FER1L6: variants seen among roughly 807,000 people sequenced by gnomAD.
The protein encoded by FER1L6 is fer-1-like protein 6.
In FER1L6, 177 loss-of-function variants were observed where a neutral mutation model predicts 219.2. That is an observed-to-expected ratio of 0.81 (90% confidence interval 0.71 to 0.91). The LOEUF is 0.91. Ranked by LOEUF, FER1L6 falls within the 40% of genes least tolerant of loss-of-function variation. The pLI is 0.00. For missense variants in FER1L6, 2,153 were observed against 2,259.9 expected (o/e 0.95, Z 0.96); for synonymous variants, 768 against 824.3 (o/e 0.93, Z 1.17).
intron 1 of FER1L6, among the ~76,000 whole-genome samples, chr8:123,865,101 T>TA (rs1362234187): frequency 6.7e-6 from 1 of 150,156 alleles, no homozygotes; most frequent in African/African-American, 2.5e-5. Context: ...TTTTTCCCCA[T>TA]CTTTGTGGTT....
At chr8:123,868,702 G>T (rs1200956431) in intron 1 of FER1L6, among the ~76,000 whole-genome samples, 3 of 152,100 alleles carry the variant, frequency 2.0e-5, no homozygotes, top group Non-Finnish European at 4.4e-5. Flanking sequence ...GACTTGAACT[G>T]ATATTCATCT....
intron 6 of FER1L6, among the ~76,000 whole-genome samples, chr8:123,972,883 A>G (rs906967761): frequency 1.3e-5 from 2 of 152,154 alleles, no homozygotes; most frequent in Non-Finnish European, 1.5e-5. Flanking sequence ...CCTCATCTTG[A>G]GAGCATTAGC....
intron 1 of FER1L6, among the ~76,000 whole-genome samples, chr8:123,870,873 A>G (rs933238960): frequency 2.6e-5 from 4 of 152,238 alleles, no homozygotes; most frequent in Non-Finnish European, 5.9e-5. Flanking sequence ...ATCTACCTGT[A>G]TTAAAAATGT....
chr8:123,950,176 T>C (rs1814693586), intron 1 of FER1L6, among the ~76,000 whole-genome samples: 1 of 152,234 alleles, frequency 6.6e-6, no homozygotes, highest in East Asian at 1.9e-4. Flanking sequence ...TACTGCATTG[T>C]TGACTTGACT....
intron 12 of FER1L6, among the ~76,000 whole-genome samples, chr8:124,001,971 A>G (rs1195140257): frequency 6.6e-6 from 1 of 152,196 alleles, no homozygotes; most frequent in African/African-American, 2.4e-5. Context: ...GCATGCTCTC[A>G]GGAGAAGTGG....
At chr8:123,912,601 C>A (rs1401742364) in intron 1 of FER1L6, among the ~76,000 whole-genome samples, 1 of 152,048 alleles carries the variant, frequency 6.6e-6, no homozygotes. Flanking sequence ...AATTTTTCAA[C>A]ATGGCTATGC....
intron 1 of FER1L6, among the ~76,000 whole-genome samples, chr8:123,940,172 T>C (rs1300678289): frequency 6.6e-6 from 1 of 152,140 alleles, no homozygotes; most frequent in Admixed American, 6.5e-5. Flanking sequence ...ACTAAGGCTG[T>C]AGGTGGGATA....
intron 1 of FER1L6, among the ~76,000 whole-genome samples, chr8:123,950,661 G>C (rs140165551): frequency 2.0e-5 from 3 of 152,300 alleles, no homozygotes; most frequent in African/African-American, 7.2e-5. Context: ...TGTTTGTTGA[G>C]TTGTGATATT....
chr8:124,090,897 A>G (rs956191214), intron 33 of FER1L6, among the ~76,000 whole-genome samples: 1 of 152,174 alleles, frequency 6.6e-6, no homozygotes, highest in Non-Finnish European at 1.5e-5. Flanking sequence ...ACTTGGAATA[A>G]GCAGCAGCCG....
intron 39 of FER1L6, among the ~76,000 whole-genome samples, chr8:124,114,086 C>T (rs1182206760): frequency 1.3e-5 from 2 of 152,108 alleles, no homozygotes; most frequent in Non-Finnish European, 2.9e-5. Context: ...CTAACCCTTC[C>T]TTACATCTGT....
Position 124,021,643 on chromosome 8 carries a change from G to GA in FER1L6, c.2113dup (p.Ile705AsnfsTer6), listed in dbSNP as rs1232878424. 8.7e-6 allele frequency: 14 copies of GA among 1,614,108 alleles called. No individual in the cohort carries two copies. The highest frequency in any genetic ancestry group is 1.6e-4 in the Middle Eastern group (1 of 6,062). On this transcript the variant is annotated frameshift_variant, in exon 17 of 41. Coordinates refer to ENST00000522917, the MANE Select transcript of FER1L6 (RefSeq NM_001039112.2). LOFTEE classifies it high-confidence loss of function. ...GATTCACGAAGCCCAAAACTTTGTGGAAAAAATCCGCTTTCTTGTTGATGA... is the reference window on the plus strand; with the variant it reads ...GATTCACGAAGCCCAAAACTTTGTGGAAAAAAATCCGCTTTCTTGTTGATGA...
rs146250001 is a variant in FER1L6, at chr8:123,967,838, C to T, written c.384+1548C>T. Among the ~76,000 whole-genome samples the T allele has an allele frequency of 3.7e-3, 558 of 152,240 alleles. 4 individuals carry two copies. Among genetic ancestry groups the T allele is most frequent in the African/African-American group, 0.013 (532 of 41,520 alleles). On this transcript the variant is annotated intron_variant, in intron 5 of 40. Transcript: ENST00000522917. ...GGGTGTGGTGGCATGTGCCTGTAAT[C>T]CCATCTAGTCAGGAGGCTGAGGCAG...
chr8:124,061,244 T>G (rs1438740951), intron 24 of FER1L6, among the ~76,000 whole-genome samples: 2 of 152,242 alleles, frequency 1.3e-5, no homozygotes, highest in Non-Finnish European at 2.9e-5. Flanking sequence ...ACATCTGTGC[T>G]TTTATTTATT....
At chr8:123,870,398 A>G (rs1219079095) in intron 1 of FER1L6, among the ~76,000 whole-genome samples, 3 of 152,174 alleles carry the variant, frequency 2.0e-5, no homozygotes, top group Non-Finnish European at 4.4e-5. Context: ...TAAACAACCA[A>G]TATGTCTTTC....
At chr8:123,978,306 G>C (rs1021163213) in intron 10 of FER1L6, among the ~76,000 whole-genome samples, 2 of 152,158 alleles carry the variant, frequency 1.3e-5, no homozygotes, top group African/African-American at 4.8e-5. Flanking sequence ...AACAAAAATT[G>C]TGTCTTCAAC....
At chr8:123,949,170 A>G (rs1586502783) in intron 1 of FER1L6, among the ~76,000 whole-genome samples, 1 of 152,218 alleles carries the variant, frequency 6.6e-6, no homozygotes, top group Non-Finnish European at 1.5e-5. Context: ...AGTGTTCTTG[A>G]AGATATTAAC....
At chr8:123,937,189 G>T (rs982886382) in intron 1 of FER1L6, among the ~76,000 whole-genome samples, 2 of 152,184 alleles carry the variant, frequency 1.3e-5, no homozygotes, top group Non-Finnish European at 2.9e-5. Context: ...TTACAGGCGT[G>T]AGCCACCATG....
intron 5 of FER1L6, 37 bp downstream of exon 5, chr8:123,966,327 G>T: frequency 6.2e-7 from 1 of 1,611,538 alleles, no homozygotes; most frequent in Non-Finnish European, 8.5e-7. Flanking sequence ...TTTGCACTAA[G>T]ATTCTCTTCA....
chr8:123,887,788 T>C (rs1415291141), intron 1 of FER1L6, among the ~76,000 whole-genome samples: 1 of 152,228 alleles, frequency 6.6e-6, no homozygotes, highest in Non-Finnish European at 1.5e-5. Flanking sequence ...TGGAAGAATT[T>C]TTGTTTGCAA....
Sources: gnomAD v4.1 joint callset for allele counts (sites outside exome capture counted in the v4.1 genomes callset) on GRCh38, gnomAD v4.1.1 for gene constraint, MANE v1.5 for transcripts, NCBI Gene and HGNC (gene_info 2026-07-23, HGNC 2026-07-21) for gene names.